The following AMMECR1 variants were observed in gnomAD, a reference collection of about 807,000 sequenced individuals.
AMMECR1 encodes AMMECR nuclear protein 1.
Under a neutral mutation model 22.5 loss-of-function variants are expected in AMMECR1, and 3 were observed. That is an observed-to-expected ratio of 0.13 (90% CI 0.06 to 0.35). AMMECR1 has a LOEUF of 0.35. Among genes scored for constraint, AMMECR1 ranks in the 10% least tolerant of loss-of-function variants. The probability of loss-of-function intolerance (pLI) is 1.00; values close to 1 mark genes in which losing one functional copy is unlikely to be tolerated. For missense variants in AMMECR1, 235 were observed against 278.7 expected (o/e 0.84, Z 1.12); for synonymous variants, 130 against 116.7 (o/e 1.11, Z -0.74).
intron 1 of AMMECR1, among the ~76,000 whole-genome samples, chrX:110,282,349 G>A (rs2067856837): frequency 9.1e-6 from 1 of 110,320 alleles, no homozygotes; most frequent in Admixed American, 9.6e-5. Flanking sequence ...TAGGCCCAAA[G>A]CTCAGCTCCA....
chrX:110,347,685 C>T (rs951738874), intron 2 of AMMECR1, among the ~76,000 whole-genome samples: 12 of 112,776 alleles, frequency 1.1e-4, no homozygotes, highest in Admixed American at 1.9e-4. Context: ...AAAGCTTTCT[C>T]ACAAAGTATC....
At chrX:110,387,247 A>G (rs936306745) in intron 2 of AMMECR1, among the ~76,000 whole-genome samples, 5 of 112,446 alleles carry the variant, frequency 4.4e-5, no homozygotes, top group Non-Finnish European at 7.5e-5. Flanking sequence ...TCCAATGAAG[A>G]CTTACGTGGC....
chrX:110,305,881 G>C (rs982591714), intron 1 of AMMECR1, among the ~76,000 whole-genome samples: 3 of 111,120 alleles, frequency 2.7e-5, no homozygotes, highest in Non-Finnish European at 5.7e-5. Flanking sequence ...AACTCGGGAG[G>C]TTGAGACAGG....
At chrX:110,331,066 C>T (rs1232632540) in intron 2 of AMMECR1, among the ~76,000 whole-genome samples, 1 of 109,020 alleles carries the variant, frequency 9.2e-6, no homozygotes, top group Non-Finnish European at 1.9e-5. Flanking sequence ...CCCCTTCATT[C>T]GAGGACCTCT....
intron 1 of AMMECR1, among the ~76,000 whole-genome samples, chrX:110,291,245 G>A (rs1016151108): frequency 4.5e-5 from 5 of 111,454 alleles, no homozygotes; most frequent in African/African-American, 9.8e-5. Flanking sequence ...AATACAAGCC[G>A]GGCGTGGTGG....
At chrX:110,316,821 G>C (rs2068050151) in intron 1 of AMMECR1, among the ~76,000 whole-genome samples, 1 of 109,061 alleles carries the variant, frequency 9.2e-6, no homozygotes, top group African/African-American at 3.4e-5. Context: ...ACACAAAAGC[G>C]AATGCACGCT....
At chrX:110,418,214 G>A (rs921280142) in intron 2 of AMMECR1, among the ~76,000 whole-genome samples, 2 of 112,433 alleles carry the variant, frequency 1.8e-5, no homozygotes, top group African/African-American at 6.5e-5. Flanking sequence ...CCAGAGATAC[G>A]CCTGATGGTC....
chrX:110,232,844 C>G (rs181062404), intron 2 of AMMECR1, among the ~76,000 whole-genome samples: 1 of 92,087 alleles, frequency 1.1e-5, no homozygotes, highest in Non-Finnish European at 2.1e-5. Context: ...GAGCTGAGAT[C>G]GCGCCATTGC....
intron 2 of AMMECR1, among the ~76,000 whole-genome samples, chrX:110,217,491 G>A (rs188299363): frequency 8.9e-5 from 8 of 90,084 alleles, no homozygotes; most frequent in African/African-American, 3.4e-4. Context: ...TTCCTGCAAC[G>A]GAATAGAAAA....
Position 110,224,353 on chromosome X carries a change from A to G in AMMECR1, c.585-7721T>C, listed in dbSNP as rs189834106. Among the ~76,000 whole-genome samples the G allele has an allele frequency of 1.4e-4, 16 of 111,452 alleles. 1 individual carries two copies. Among genetic ancestry groups the G allele is most frequent in the Admixed American group, 1.1e-3 (12 of 10,442 alleles). ...AGAGCCATGGAGAATATAAGAATAG[A>G]TTACTAAATAATATATGGATATGTA... On this transcript the variant is annotated intron_variant, in intron 2 of 5. Transcript: ENST00000262844.
intron 2 of AMMECR1, among the ~76,000 whole-genome samples, chrX:110,255,355 A>T (rs2067705506): frequency 8.9e-6 from 1 of 111,748 alleles, no homozygotes; most frequent in African/African-American, 3.3e-5. Context: ...TTAGCAGTAC[A>T]AGTCTAACCA....
intron 2 of AMMECR1, among the ~76,000 whole-genome samples, chrX:110,380,970 G>A (rs1174933509): frequency 1.8e-5 from 2 of 112,239 alleles, no homozygotes; most frequent in Non-Finnish European, 3.8e-5. Context: ...TTAAATGTAA[G>A]ACTTCAAACT....
intron 2 of AMMECR1, among the ~76,000 whole-genome samples, chrX:110,235,622 A>AC (rs1045389710): frequency 1.4e-4 from 16 of 112,548 alleles, no homozygotes; most frequent in Non-Finnish European, 3.0e-4. Flanking sequence ...ACCATGGAGT[A>AC]CTATGCAGCC....
intron 2 of AMMECR1, among the ~76,000 whole-genome samples, chrX:110,416,265 T>C (rs2068676879): frequency 8.9e-6 from 1 of 111,975 alleles, no homozygotes; most frequent in Non-Finnish European, 1.9e-5. Flanking sequence ...GGGCACACAC[T>C]AACCATTTGG....
intron 2 of AMMECR1, among the ~76,000 whole-genome samples, chrX:110,323,866 C>G (rs2068087940): frequency 1.8e-5 from 2 of 111,961 alleles, no homozygotes; most frequent in Non-Finnish European, 3.8e-5. Flanking sequence ...ATTGACTGTA[C>G]CATTTTAGAA....
intron 1 of AMMECR1, among the ~76,000 whole-genome samples, chrX:110,435,131 G>A (rs1186643308): frequency 1.2e-5 from 1 of 86,435 alleles, no homozygotes; most frequent in Non-Finnish European, 2.3e-5. Context: ...AGGGAGGGAG[G>A]GGGAAGAAGG....
chrX:110,343,323 G>A (rs890955021), intron 2 of AMMECR1, among the ~76,000 whole-genome samples: 20 of 111,558 alleles, frequency 1.8e-4, no homozygotes, highest in Non-Finnish European at 2.6e-4. Context: ...CAATAAATTA[G>A]GTATGGATGG....
intron 2 of AMMECR1, among the ~76,000 whole-genome samples, chrX:110,366,270 A>G (rs2068296624): frequency 8.9e-6 from 1 of 112,025 alleles, no homozygotes; most frequent in Admixed American, 9.5e-5. Flanking sequence ...TGAACAAGCA[A>G]TGTTACAAAC....
intron 2 of AMMECR1, among the ~76,000 whole-genome samples, chrX:110,336,204 C>G (rs2068140538): frequency 9.0e-6 from 1 of 111,617 alleles, no homozygotes; most frequent in South Asian, 3.7e-4. Context: ...CTGCCTAAAC[C>G]AGTCTCAACC....
Sources: gnomAD v4.1 joint callset for allele counts (sites outside exome capture counted in the v4.1 genomes callset) on GRCh38, gnomAD v4.1.1 for gene constraint, MANE v1.5 for transcripts, NCBI Gene and HGNC (gene_info 2026-07-23, HGNC 2026-07-21) for gene names.